Variants in MSH3 observed in about 807,000 individuals in gnomAD.
MSH3 encodes mutS homolog 3.
A neutral mutation model predicts 123.3 loss-of-function variants in MSH3; 106 were observed. The observed-to-expected ratio is 0.86, with a 90% confidence interval of 0.73 to 1.01. The LOEUF (loss-of-function observed/expected upper bound fraction) is 1.01, where lower values mean the gene tolerates loss of function less well. MSH3 is among the 50% of genes least tolerant of loss of function. The pLI, the probability that MSH3 is intolerant of heterozygous loss-of-function variation, is 0.00. For missense variants in MSH3, 1,459 were observed against 1,347.6 expected (o/e 1.08, Z -1.29); for synonymous variants, 515 against 481.4 (o/e 1.07, Z -0.91).
intron 8 of MSH3, among the ~76,000 whole-genome samples, chr5:80,718,108 T>C (rs868313817): frequency 5.5e-4 from 84 of 152,342 alleles, no homozygotes; most frequent in African/African-American, 2.0e-3. Flanking sequence ...TATAGAGTTT[T>C]GGCAGTCACT....
chr5:80,694,584 C>T (rs1460305454), intron 8 of MSH3, among the ~76,000 whole-genome samples: 2 of 151,930 alleles, frequency 1.3e-5, no homozygotes, highest in Admixed American at 6.6e-5. Flanking sequence ...TCCTGATGTT[C>T]TAAGGTTTCT....
chr5:80,830,120 T>C (rs2112077257), intron 20 of MSH3, among the ~76,000 whole-genome samples: 1 of 152,298 alleles, frequency 6.6e-6, no homozygotes, highest in Non-Finnish European at 1.5e-5. Context: ...TCCTCTCTCT[T>C]TTTTTCTTAG....
Position 80,725,561 on chromosome 5 carries a change from C to G in MSH3, c.1449C>G (p.Ile483Met). The G allele has an allele frequency of 6.2e-7, 1 of 1,606,804 alleles. No individual in the cohort carries two copies. Among genetic ancestry groups the G allele is most frequent in the Non-Finnish European group, 8.5e-7 (1 of 1,173,466 alleles). Residue 483 changes from isoleucine to methionine, a missense_variant, in exon 9 of 24, where the codon ATC becomes ATG. Coordinates refer to ENST00000265081, the MANE Select transcript of MSH3 (RefSeq NM_002439.5). ...TTTATGCAAAAGATACAGTTGACAT[C>G]AAAGGTAAATATTTTCCCTGTATGT... ...TEFYAKDTVD[I>M]KGSQIISGIV...
intron 20 of MSH3, among the ~76,000 whole-genome samples, chr5:80,840,566 A>C (rs1162940097): frequency 6.6e-6 from 1 of 152,090 alleles, no homozygotes; most frequent in Non-Finnish European, 1.5e-5. Context: ...GGCACTTGCC[A>C]CCACACCCGG....
chr5:80,694,325 G>A lies in MSH3; in HGVS notation c.1340+15232G>A, dbSNP rs149791421. 2.4e-3 allele frequency among the ~76,000 whole-genome samples: 368 copies of A among 152,188 alleles called. 6 individuals are homozygous for A. Among genetic ancestry groups the A allele is most frequent in the East Asian group, 2.9e-3 (15 of 5,180 alleles). ...AAGTCATGTAGCTTTTTTACAGGTTGCTCTAGGTATTACATTATATATACA... is the reference window on the plus strand; with the variant it reads ...AAGTCATGTAGCTTTTTTACAGGTTACTCTAGGTATTACATTATATATACA... On this transcript the variant is annotated intron_variant, in intron 8 of 23. Transcript: ENST00000265081.
chr5:80,686,872 T>C (rs144397054), intron 8 of MSH3, among the ~76,000 whole-genome samples: 2 of 152,320 alleles, frequency 1.3e-5, no homozygotes, highest in African/African-American at 4.8e-5. Flanking sequence ...ATGTTAAAGC[T>C]GTGTGAGGAA....
At chr5:80,816,218 A>G (rs1348140612) in intron 20 of MSH3, among the ~76,000 whole-genome samples, 1 of 152,206 alleles carries the variant, frequency 6.6e-6, no homozygotes, top group Non-Finnish European at 1.5e-5. Flanking sequence ...AAATAATCAC[A>G]TACAGAAATG....
intron 20 of MSH3, among the ~76,000 whole-genome samples, chr5:80,850,128 T>G (rs1745804352): frequency 6.6e-6 from 1 of 152,104 alleles, no homozygotes; most frequent in Admixed American, 6.5e-5. Flanking sequence ...AAAGCAAGAG[T>G]CACCTTTGCT....
At chr5:80,775,880 T>C in intron 16 of MSH3, 122 bp downstream of exon 16, 1 of 676,336 alleles carries the variant, frequency 1.5e-6, no homozygotes, top group Non-Finnish European at 2.6e-6. Context: ...ACTTATTTTT[T>C]CTGATGGAAC....
At chr5:80,773,299 C>T (rs1274804622) in intron 15 of MSH3, among the ~76,000 whole-genome samples, 1 of 152,148 alleles carries the variant, frequency 6.6e-6, no homozygotes, top group Non-Finnish European at 1.5e-5. Flanking sequence ...TTATTTAGCA[C>T]AGTTTAAAAG....
intron 20 of MSH3, among the ~76,000 whole-genome samples, chr5:80,837,336 T>C (rs1745533302): frequency 6.6e-6 from 1 of 152,208 alleles, no homozygotes; most frequent in Non-Finnish European, 1.5e-5. Flanking sequence ...CTCAGCACTT[T>C]GGGAGGCTGA....
At chr5:80,660,023 C>T (rs768063287) in intron 2 of MSH3, among the ~76,000 whole-genome samples, 29 of 140,162 alleles carry the variant, frequency 2.1e-4, no homozygotes, top group Non-Finnish European at 3.7e-4. Flanking sequence ...CAGTTAAGTA[C>T]GTATTTTTGA....
At chr5:80,747,915 T>A (rs988944589) in intron 12 of MSH3, among the ~76,000 whole-genome samples, 2 of 152,194 alleles carry the variant, frequency 1.3e-5, no homozygotes, top group African/African-American at 2.4e-5. Flanking sequence ...CAAAATTGTC[T>A]AACGATGCAT....
At chr5:80,760,267 A>T (rs896629948) in intron 12 of MSH3, among the ~76,000 whole-genome samples, 2 of 152,320 alleles carry the variant, frequency 1.3e-5, no homozygotes, top group East Asian at 3.9e-4. Context: ...ACTACTCACC[A>T]GACATGTTTA....
intron 19 of MSH3, among the ~76,000 whole-genome samples, chr5:80,812,839 T>A (rs1379437977): frequency 6.6e-6 from 1 of 152,116 alleles, no homozygotes. Context: ...ATTACAGGTG[T>A]GAGCCACCGC....
chr5:80,681,083 T>G (rs147400355), intron 8 of MSH3, among the ~76,000 whole-genome samples: 1 of 152,234 alleles, frequency 6.6e-6, no homozygotes, highest in Non-Finnish European at 1.5e-5. Context: ...ACCAGTATAG[T>G]CTAGGAGGGT....
chr5:80,810,669 C>A (rs1005990220), intron 19 of MSH3, among the ~76,000 whole-genome samples: 1 of 152,052 alleles, frequency 6.6e-6, no homozygotes, highest in Non-Finnish European at 1.5e-5. Flanking sequence ...GTCATTGTGC[C>A]AAATCACACT....
intron 22 of MSH3, among the ~76,000 whole-genome samples, chr5:80,871,926 G>A (rs1746221683): frequency 6.6e-6 from 1 of 152,108 alleles, no homozygotes; most frequent in Admixed American, 6.5e-5. Context: ...AGCGGGATGT[G>A]GTCTTGGGTG....
At position 80,787,561 on chromosome 5, in the gene MSH3, G is replaced by T; in HGVS notation, c.2436-4G>T. ...CCTTTTTGTTGTTGCTGCTGCTTCC[G>T]TAGGAAATTCAGTGAACATTATCAC... On this transcript the variant is annotated splice_polypyrimidine_tract_variant and splice_region_variant and intron_variant, in intron 17 of 23. Transcript: ENST00000265081. 1 of 1,606,688 alleles carries T rather than the reference G, an allele frequency of 6.2e-7. No individual in the cohort carries two copies. The highest frequency in any genetic ancestry group is 1.3e-5 in the African/African-American group (1 of 74,882).
Sources: gnomAD v4.1 joint callset for allele counts (sites outside exome capture counted in the v4.1 genomes callset) on GRCh38, gnomAD v4.1.1 for gene constraint, MANE v1.5 for transcripts, NCBI Gene and HGNC (gene_info 2026-07-23, HGNC 2026-07-21) for gene names.